AFAP1: variants seen among roughly 807,000 people sequenced by gnomAD.
AFAP1 encodes actin filament-associated protein 1.
Under a neutral mutation model 93.9 loss-of-function variants are expected in AFAP1, and 75 were observed. The ratio of observed to expected loss-of-function variants is 0.80; its 90% confidence interval spans 0.66 to 0.97. AFAP1 has a LOEUF of 0.97. AFAP1 is among the 50% of genes least tolerant of loss of function. AFAP1 has a pLI of 0.00. For missense variants in AFAP1, 1,201 were observed against 1,050.8 expected, an observed-to-expected ratio of 1.14 and a Z score of -1.98; for synonymous variants, 517 against 430.7, an observed-to-expected ratio of 1.20 and a Z score of -2.48.
chr4:7,775,222 A>G (rs967105215), intron 14 of AFAP1: 1 of 239,348 alleles, frequency 4.2e-6, no homozygotes, highest in Non-Finnish European at 8.0e-6. Flanking sequence ...ACAAACACAA[A>G]GCATTATTTT....
chr4:7,921,129 C>G (rs1720419373), intron 1 of AFAP1, among the ~76,000 whole-genome samples: 2 of 149,872 alleles, frequency 1.3e-5, no homozygotes, highest in African/African-American at 4.9e-5. Context: ...GGTAGATGAC[C>G]TATCTAATCT....
chr4:7,893,580 CAAAAA>C (rs11331784), intron 1 of AFAP1, among the ~76,000 whole-genome samples: 4 of 106,230 alleles, frequency 3.8e-5, no homozygotes, highest in Non-Finnish European at 1.8e-5. Context: ...GACTCTGTCT[CAAAAA>C]AAAAAAAAAA....
chr4:7,923,207 A>G (rs185126678), intron 1 of AFAP1, among the ~76,000 whole-genome samples: 6 of 152,344 alleles, frequency 3.9e-5, no homozygotes, highest in African/African-American at 1.4e-4. Flanking sequence ...ATGGACTACC[A>G]CATTTATTTT....
At chr4:7,901,697 G>A (rs960462257) in intron 1 of AFAP1, among the ~76,000 whole-genome samples, 1 of 152,226 alleles carries the variant, frequency 6.6e-6, no homozygotes, top group Non-Finnish European at 1.5e-5. Flanking sequence ...ACACACACTC[G>A]GATTTTATGA....
chr4:7,860,913 TTGCCTCGCC>T (rs1426070257), intron 3 of AFAP1, among the ~76,000 whole-genome samples: 11 of 152,284 alleles, frequency 7.2e-5, no homozygotes, highest in African/African-American at 2.2e-4. Context: ...CCACTGCCGC[TTGCCTCGCC>T]TGCCTCGCTC....
At chr4:7,804,471 A>AAAGTGCAT (rs1347703914) in intron 9 of AFAP1, among the ~76,000 whole-genome samples, 1 of 72,590 alleles carries the variant, frequency 1.4e-5, no homozygotes, top group East Asian at 4.7e-4. Flanking sequence ...CACTGTGGCA[A>AAAGTGCAT]GAGGATCATG....
chr4:7,855,945 A>T (rs1715001640), intron 3 of AFAP1, among the ~76,000 whole-genome samples: 1 of 151,938 alleles, frequency 6.6e-6, no homozygotes, highest in Non-Finnish European at 1.5e-5. Context: ...TCATCCCCAC[A>T]CACTCCACAC....
chr4:7,770,605 CA>C (rs1715297763), intron 16 of AFAP1, among the ~76,000 whole-genome samples: 2 of 152,070 alleles, frequency 1.3e-5, no homozygotes, highest in Admixed American at 1.3e-4. Flanking sequence ...AGGATGGATT[CA>C]ACTAGAGAAT....
chr4:7,867,863 C>T (rs116442111), intron 3 of AFAP1, among the ~76,000 whole-genome samples: 2,042 of 151,656 alleles, frequency 0.013, 34 homozygotes, highest in Non-Finnish European at 0.019. Context: ...CCAGGCAGAG[C>T]GGGGGTGATC....
chr4:7,916,424 C>T (rs962019939), intron 1 of AFAP1, among the ~76,000 whole-genome samples: 4 of 152,262 alleles, frequency 2.6e-5, no homozygotes, highest in Non-Finnish European at 4.4e-5. Context: ...CACTCACTTG[C>T]GTCTCAAAAA....
chr4:7,804,044 C>G (rs576540781), intron 9 of AFAP1, among the ~76,000 whole-genome samples: 1 of 152,212 alleles, frequency 6.6e-6, no homozygotes, highest in Non-Finnish European at 1.5e-5. Flanking sequence ...AAGGAAATGG[C>G]AGACAACCTC....
In AFAP1 at chr4:7,781,491, G is replaced by GC; in HGVS notation, c.1666dup (p.Ala556GlyfsTer3). On this transcript the variant is annotated frameshift_variant, in exon 13 of 18. Transcript: ENST00000420658. LOFTEE classifies it high-confidence loss of function. Reference sequence around the variant, plus strand: ...CAGCTTGTCAGCAGACAGCCTAGAGGCCTTTCTGTCAGCAGGAGAGTAGCG... The same window carrying GC: ...CAGCTTGTCAGCAGACAGCCTAGAGGCCCTTTCTGTCAGCAGGAGAGTAGCG... 1.3e-6 allele frequency: 2 copies of GC among 1,552,262 alleles called. No homozygotes were observed. Among genetic ancestry groups the GC allele is most frequent in the Non-Finnish European group, 1.7e-6 (2 of 1,147,132 alleles).
At chr4:7,845,720 C>G (rs1713604208) in intron 4 of AFAP1, among the ~76,000 whole-genome samples, 1 of 152,096 alleles carries the variant, frequency 6.6e-6, no homozygotes, top group African/African-American at 2.4e-5. Flanking sequence ...CCCCACACAC[C>G]CATCAGCACC....
chr4:7,895,174 G>A (rs1718694277), intron 1 of AFAP1, among the ~76,000 whole-genome samples: 1 of 152,232 alleles, frequency 6.6e-6, no homozygotes, highest in South Asian at 2.1e-4. Flanking sequence ...CTTCGGTGGT[G>A]GAGGGTTGAG....
At chr4:7,890,611 A>T (rs1241646245) in intron 1 of AFAP1, among the ~76,000 whole-genome samples, 1 of 152,234 alleles carries the variant, frequency 6.6e-6, no homozygotes, top group African/African-American at 2.4e-5. Context: ...TACCAAAAAC[A>T]CATGAAGACA....
intron 6 of AFAP1, among the ~76,000 whole-genome samples, chr4:7,823,029 TA>T (rs1361224991): frequency 6.6e-6 from 1 of 151,914 alleles, no homozygotes; most frequent in African/African-American, 2.4e-5. Flanking sequence ...TTTTTTTATA[TA>T]GCTAAATAGA....
intron 12 of AFAP1, among the ~76,000 whole-genome samples, chr4:7,782,233 G>C (rs1716847896): frequency 6.6e-6 from 1 of 152,244 alleles, no homozygotes; most frequent in Non-Finnish European, 1.5e-5. Context: ...CAGAGCGGAG[G>C]GAAGGGCGCG....
chr4:7,817,466 G>A (rs1359095881), intron 7 of AFAP1, among the ~76,000 whole-genome samples: 1 of 152,114 alleles, frequency 6.6e-6, no homozygotes, highest in Non-Finnish European at 1.5e-5. Flanking sequence ...GCCAGGCTTG[G>A]TGGAATCCCA....
chr4:7,784,308 G>T (rs1717060731), intron 12 of AFAP1, among the ~76,000 whole-genome samples: 1 of 152,108 alleles, frequency 6.6e-6, no homozygotes, highest in African/African-American at 2.4e-5. Context: ...TTTGCCCCGT[G>T]CCACCCTGTC....
Sources: allele counts gnomAD v4.1 joint callset (sites outside exome capture counted in the v4.1 genomes callset), GRCh38; gene constraint gnomAD v4.1.1; transcripts MANE v1.5; gene names NCBI Gene and HGNC (gene_info 2026-07-23, HGNC 2026-07-21).